PTK7: variants seen among roughly 807,000 people sequenced by gnomAD.
The protein encoded by PTK7 is protein tyrosine kinase 7 (inactive).
In PTK7, 39 loss-of-function variants were observed where a neutral mutation model predicts 116.6. The ratio of observed to expected loss-of-function variants is 0.33; its 90% CI spans 0.26 to 0.44. The LOEUF (loss-of-function observed/expected upper bound fraction) is 0.44, where lower values mean the gene tolerates loss of function less well. Among genes scored for constraint, PTK7 ranks in the 20% least tolerant of loss-of-function variants. The pLI, the probability that PTK7 is intolerant of heterozygous loss-of-function variation, is 1.00. For synonymous variants in PTK7, 546 were observed against 563.6 expected (o/e 0.97, Z 0.44); for missense variants, 1,169 against 1,425.6 (o/e 0.82, Z 2.90).
Position 43,145,031 on chromosome 6 carries a change from T to C in PTK7, c.2408-169T>C. 1.9e-6 allele frequency: 1 copy of C among 530,064 alleles called. No individual in the cohort carries two copies. The allele number at this position is 530,064 out of a possible 1,614,324, so 32.8% of individuals were successfully genotyped here. On this transcript the variant is annotated intron_variant, in intron 15 of 19. Coordinates refer to ENST00000230419, the MANE Select transcript of PTK7 (RefSeq NM_002821.5). This position sits in a 1 kb window ranked among gnomAD's most constrained non-coding sequence, Gnocchi z 4.8. Reference sequence around the variant, plus strand: ...TATTAGTCCCACCCTTTTATTTTGTTGCTGCAGACACTGAAGCCTAAGGAG... The same window carrying C: ...TATTAGTCCCACCCTTTTATTTTGTCGCTGCAGACACTGAAGCCTAAGGAG...
intron 1 of PTK7, among the ~76,000 whole-genome samples, chr6:43,110,667 C>G (rs1297509640): frequency 6.6e-6 from 1 of 150,698 alleles, no homozygotes; most frequent in Admixed American, 6.6e-5. Flanking sequence ...GCCTCGGCCT[C>G]CCAAAGTGCT....
chr6:43,106,333 G>T (rs1003970391), intron 1 of PTK7, among the ~76,000 whole-genome samples: 3 of 151,932 alleles, frequency 2.0e-5, no homozygotes, highest in Admixed American at 6.6e-5. Context: ...TTTGAGACAG[G>T]GTCTTGCTCG....
In PTK7 at chr6:43,093,932, T is replaced by A. The variant is rs139069481; in HGVS notation, c.79+17365T>A. On this transcript the variant is annotated intron_variant, in intron 1 of 19. Transcript: ENST00000230419. ...CACTGGCCACTTCATGCAAATGTCA[T>A]GCTCCTGTGCAAACATCTCATTGGT... Among the ~76,000 whole-genome samples, 1,164 of 152,310 alleles carry A rather than the reference T, an allele frequency of 7.6e-3. 5 individuals are homozygous for A. Among genetic ancestry groups the A allele is most frequent in the Middle Eastern group, 0.017 (5 of 294 alleles).
chr6:43,142,011 G>A lies in PTK7; in HGVS notation c.1849G>A (p.Gly617Arg). 5 of 1,613,900 alleles carry A rather than the reference G, an allele frequency of 3.1e-6. No individual in the cohort carries two copies. Among genetic ancestry groups the A allele is most frequent in the Non-Finnish European group, 4.2e-6 (5 of 1,179,990 alleles). Residue 617 changes from glycine to arginine, a missense_variant, in exon 12 of 20, where the codon GGG becomes AGG. Gly to Arg is a moderately radical substitution (Grantham distance 125). Around this residue, in one of 3 missense-constraint regions of PTK7, gnomAD observed 678 missense variants for 853.8 expected, o/e 0.79. Coordinates refer to ENST00000230419, the MANE Select transcript of PTK7 (RefSeq NM_002821.5). ...AGCCCTACTGCAGTGCGAGGCCCAG[G>A]GGGACCCCAAGCCGCTGATTCAGTG... Reference protein sequence around the residue: ...HTALLQCEAQGDPKPLIQWKG... With the variant: ...HTALLQCEAQRDPKPLIQWKG...
chr6:43,117,768 C>T (rs1768645431), intron 1 of PTK7, among the ~76,000 whole-genome samples: 1 of 151,948 alleles, frequency 6.6e-6, no homozygotes, highest in African/African-American at 2.4e-5. Flanking sequence ...AACCCTGTCT[C>T]TACTAAAAAT....
intron 1 of PTK7, among the ~76,000 whole-genome samples, chr6:43,125,758 C>T (rs980580058): frequency 9.2e-5 from 14 of 152,216 alleles, no homozygotes; most frequent in African/African-American, 3.1e-4. Flanking sequence ...GTTTACAACT[C>T]ATGACAGCCT....
In PTK7 at chr6:43,129,786, C is replaced by A; in HGVS notation, c.427C>A (p.Gln143Lys). The A allele has an allele frequency of 6.2e-7, 1 of 1,614,234 alleles. No homozygotes were observed. Among genetic ancestry groups the A allele is most frequent in the Non-Finnish European group, 8.5e-7 (1 of 1,180,046 alleles). ...HPASEAEIQP[Q>K]TQVTLRCHID... is the part of the protein sequence containing the mutation. ...AGCCTCGGAAGCTGAGATCCAGCCA[C>A]AGACCCAGGTCACACTTCGTTGCCA... Residue 143 changes from glutamine (Q) to lysine (K), a missense_variant, in exon 3 of 20, where the codon CAG (glutamine) becomes AAG (lysine). By Grantham distance (53) the Gln-to-Lys change is moderately conservative (BLOSUM62 1). Transcript: ENST00000230419. The surrounding 1 kb of genome is among the most constrained non-coding windows in gnomAD (Gnocchi z 4.5).
At chr6:43,132,988 G>C in intron 7 of PTK7, 1 of 512,106 alleles carries the variant, frequency 2.0e-6, no homozygotes, top group Non-Finnish European at 3.4e-6. Context: ...CCAATGCACA[G>C]AGTGACGATG....
chr6:43,155,438 C>T (rs1771368462), intron 17 of PTK7, among the ~76,000 whole-genome samples: 1 of 151,854 alleles, frequency 6.6e-6, no homozygotes, highest in Non-Finnish European at 1.5e-5. Flanking sequence ...GTTAGGGGTT[C>T]GAGACCAGCC....
intron 17 of PTK7, among the ~76,000 whole-genome samples, chr6:43,156,061 T>G (rs1486600010): frequency 1.3e-5 from 2 of 151,028 alleles, no homozygotes; most frequent in Non-Finnish European, 3.0e-5. Context: ...AAACCCCATC[T>G]CTACTAAAAA....
At chr6:43,091,820 G>A (rs1379543034) in intron 1 of PTK7, among the ~76,000 whole-genome samples, 2 of 152,048 alleles carry the variant, frequency 1.3e-5, no homozygotes, top group Admixed American at 1.3e-4. Context: ...CCAGTTTATC[G>A]AATGTCAGGG....
rs986576712 is a variant in PTK7 at position 43,132,933 on chromosome 6, A to G, written c.1228+246A>G. ...AAATGGTCCTCTGGGTACAGAGGAA[A>G]GAGCAATAGACTAGGAATCTAGAGA... On this transcript the variant is annotated intron_variant, in intron 7 of 19. Coordinates refer to ENST00000230419, the MANE Select transcript of PTK7 (RefSeq NM_002821.5). 5 of 602,030 alleles carry G rather than the reference A, an allele frequency of 8.3e-6. No individual in the cohort carries two copies. In the African/African-American group the frequency reaches 9.3e-5, roughly 11 times the overall value. 37.3% of individuals were successfully genotyped at this position (602,030 alleles called of 1,614,324 possible).
At chr6:43,091,572 C>A (rs929876922) in intron 1 of PTK7, among the ~76,000 whole-genome samples, 4 of 152,054 alleles carry the variant, frequency 2.6e-5, no homozygotes, top group Non-Finnish European at 5.9e-5. Context: ...GATGTTTTTT[C>A]TTTTCACATT....
In PTK7 at chr6:43,143,354, G is replaced by C; in HGVS notation, c.2048-63G>C. ...CTGTTGATGGGGTTGGGAGGAGTTA[G>C]TAGAGAAGCAGGGCTTCTTTTGCTT... On this transcript the variant is annotated intron_variant, in intron 13 of 19. Coordinates refer to ENST00000230419, the MANE Select transcript of PTK7 (RefSeq NM_002821.5). This position sits in a 1 kb window ranked among gnomAD's most constrained non-coding sequence, Gnocchi z 4.2. The C allele has an allele frequency of 6.6e-7, 1 of 1,524,094 alleles. No individual in the cohort carries two copies. The highest frequency in any genetic ancestry group is 1.1e-5 in the South Asian group (1 of 87,810). The allele number at this position is 1,524,094 out of a possible 1,614,324, so 94.4% of individuals were successfully genotyped here.
chr6:43,104,882 C>T (rs1188371947), intron 1 of PTK7, among the ~76,000 whole-genome samples: 1 of 148,876 alleles, frequency 6.7e-6, no homozygotes, highest in Non-Finnish European at 1.5e-5. Context: ...GCGTGATCTC[C>T]GCTCACTCCA....
At chr6:43,100,538 C>T (rs1767517546) in intron 1 of PTK7, among the ~76,000 whole-genome samples, 1 of 117,888 alleles carries the variant, frequency 8.5e-6, no homozygotes, top group Admixed American at 8.0e-5. Context: ...ATTTTATATG[C>T]ATTTTTGTCT....
intron 1 of PTK7, among the ~76,000 whole-genome samples, chr6:43,116,644 G>GTT (rs1432334987): frequency 1.0e-4 from 11 of 107,314 alleles, no homozygotes; most frequent in Admixed American, 9.7e-4. Context: ...GTGTGTGTGT[G>GTT]TGTGTGTGCG....
intron 13 of PTK7, 197 bp downstream of exon 13, chr6:43,142,496 A>G (rs1239762959): frequency 3.7e-6 from 3 of 802,706 alleles, no homozygotes; most frequent in East Asian, 3.1e-5. Context: ...TTAACATCCA[A>G]CGGTCGGTGT....
At chr6:43,115,947 A>AGGG (rs9296410) in intron 1 of PTK7, among the ~76,000 whole-genome samples, 10 of 128,404 alleles carry the variant, frequency 7.8e-5, no homozygotes, top group South Asian at 2.5e-4. Flanking sequence ...AAAAAAAAAA[A>AGGG]GGCAGTGGGC....
Sources: gnomAD v4.1 joint callset for allele counts (sites outside exome capture counted in the v4.1 genomes callset) on GRCh38, gnomAD v4.1.1 for gene constraint, gnomAD v4.1.1 regional missense constraint, Gnocchi (gnomAD v3.1) non-coding constraint, MANE v1.5 for transcripts, NCBI Gene and HGNC (gene_info 2026-07-23, HGNC 2026-07-21) for gene names.